The following MAPK8 variants were observed in gnomAD, a reference collection of about 807,000 sequenced individuals.
MAPK8 encodes mitogen-activated protein kinase 8, also known as JUN N-terminal kinase.
In MAPK8, 13 loss-of-function variants were observed where a neutral mutation model predicts 52.9. That is an observed-to-expected ratio of 0.25 (90% confidence interval 0.16 to 0.39). The LOEUF (loss-of-function observed/expected upper bound fraction) is 0.39, where lower values mean the gene tolerates loss of function less well. MAPK8 is among the 10% of genes least tolerant of loss of function. The probability of loss-of-function intolerance (pLI) is 1.00; values close to 1 mark genes in which losing one functional copy is unlikely to be tolerated. For missense variants in MAPK8, 300 were observed against 519.2 expected (o/e 0.58, Z 4.10); for synonymous variants, 191 against 169.8 (o/e 1.12, Z -0.97).
rs185879201 is a variant in MAPK8 at position 48,426,671 on chromosome 10, C to T, written c.996+167C>T. 2.4e-4 allele frequency: 157 copies of T among 649,538 alleles called. No homozygotes were observed. In the African/African-American group the frequency reaches 2.6e-3, roughly 11 times the overall value. 40.2% of individuals were successfully genotyped at this position (649,538 alleles called of 1,614,324 possible). On this transcript the variant is annotated intron_variant, in intron 9 of 11. Transcript: ENST00000374189. ...CGTCAAATAAACTAATGAACATATT[C>T]GAGCCCCTCCTACACAAAATAAAGT...
chr10:48,340,271 C>G (rs1845122707), intron 1 of MAPK8, among the ~76,000 whole-genome samples: 1 of 152,064 alleles, frequency 6.6e-6, no homozygotes, highest in South Asian at 2.1e-4. Context: ...CAGCTGGAGG[C>G]CATTATCAAG....
intron 1 of MAPK8, among the ~76,000 whole-genome samples, chr10:48,310,618 A>G (rs1012060512): frequency 6.6e-6 from 1 of 152,178 alleles, no homozygotes; most frequent in Non-Finnish European, 1.5e-5. Context: ...AGGCATCGCT[A>G]AACAGTTAAT....
chr10:48,329,052 T>A (rs1779157314), intron 1 of MAPK8, among the ~76,000 whole-genome samples: 1 of 152,192 alleles, frequency 6.6e-6, no homozygotes, highest in Non-Finnish European at 1.5e-5. Flanking sequence ...CTCATTTAAT[T>A]ATTTTAACCT....
At chr10:48,324,956 T>TTTTTTTTTTTTTTG (rs1554810527) in intron 1 of MAPK8, among the ~76,000 whole-genome samples, 2 of 151,050 alleles carry the variant, frequency 1.3e-5, no homozygotes, top group African/African-American at 4.9e-5. Context: ...GCAAATGGTG[T>TTTTTTTTTTTTTTG]TTTTTTGTTT....
chr10:48,375,348 C>T (rs547271372), intron 1 of MAPK8, among the ~76,000 whole-genome samples: 11 of 152,314 alleles, frequency 7.2e-5, no homozygotes, highest in African/African-American at 2.4e-4. Flanking sequence ...GATGCACTCT[C>T]TCACCACTCC....
intron 1 of MAPK8, among the ~76,000 whole-genome samples, chr10:48,351,691 CTG>C (rs1332526302): frequency 4.6e-5 from 7 of 152,020 alleles, no homozygotes; most frequent in African/African-American, 1.4e-4. Flanking sequence ...ATGGGTAAAA[CTG>C]TAGCAAAACT....
At chr10:48,397,858 T>A (rs1350951058) in intron 1 of MAPK8, among the ~76,000 whole-genome samples, 1 of 152,164 alleles carries the variant, frequency 6.6e-6, no homozygotes, top group Non-Finnish European at 1.5e-5. Flanking sequence ...CCCAAAGTGC[T>A]AGGATTACAG....
chr10:48,341,068 G>A (rs1354565073), intron 1 of MAPK8, among the ~76,000 whole-genome samples: 1 of 152,192 alleles, frequency 6.6e-6, no homozygotes, highest in African/African-American at 2.4e-5. Context: ...TACTGTAAGA[G>A]GGTAAATCTG....
Position 48,426,033 on chromosome 10 carries a change from C to G in MAPK8, c.834C>G (p.Val278=). ...GYSFEKLFPD[V]LFPADSEHNK... ...GCTTTGAGAAACTCTTCCCTGATGT[C>G]CTTTTCCCAGCTGACTCAGAACACA... Residue 278 remains valine, a synonymous_variant, in exon 8 of 12, where the codon GTC becomes GTG. Coordinates refer to ENST00000374189, the MANE Select transcript of MAPK8 (RefSeq NM_001323329.2). The G allele has an allele frequency of 6.2e-7, 1 of 1,611,826 alleles. No individual in the cohort carries two copies. Among genetic ancestry groups the G allele is most frequent in the South Asian group, 1.1e-5 (1 of 90,732 alleles).
chr10:48,418,723 G>A (rs892258834), intron 5 of MAPK8, among the ~76,000 whole-genome samples: 1 of 152,218 alleles, frequency 6.6e-6, no homozygotes, highest in Admixed American at 6.5e-5. Flanking sequence ...GTAATTAACA[G>A]CTGTAAGGTA....
rs767564521 is a variant in MAPK8, at chr10:48,420,332, C to T, written c.616+12C>T. Reference sequence around the variant, plus strand: ...CTACAAGGAAAACGGTCAGCACACACATTTATTTGAAATATTTTTCTGATT... The same window carrying T: ...CTACAAGGAAAACGGTCAGCACACATATTTATTTGAAATATTTTTCTGATT... On this transcript the variant is annotated intron_variant, in intron 6 of 11. Coordinates refer to ENST00000374189, the MANE Select transcript of MAPK8 (RefSeq NM_001323329.2). The T allele has an allele frequency of 5.2e-6, 8 of 1,551,036 alleles. No homozygotes were observed. The African/African-American group carries it at 8.3e-5, about 16-fold the overall frequency.
chr10:48,358,264 A>G (rs959112501), intron 1 of MAPK8, among the ~76,000 whole-genome samples: 5 of 152,130 alleles, frequency 3.3e-5, no homozygotes, highest in African/African-American at 9.7e-5. Flanking sequence ...CAGTTGTACC[A>G]TTTTATATTT....
chr10:48,411,636 C>G (rs1339146324), intron 5 of MAPK8, among the ~76,000 whole-genome samples: 1 of 152,134 alleles, frequency 6.6e-6, no homozygotes, highest in Non-Finnish European at 1.5e-5. Context: ...GAGTATCATT[C>G]TATTTCTGCA....
intron 1 of MAPK8, among the ~76,000 whole-genome samples, chr10:48,385,350 C>CA (rs984069604): frequency 1.3e-5 from 2 of 152,018 alleles, no homozygotes; most frequent in African/African-American, 4.8e-5. Flanking sequence ...ACCCAAACCA[C>CA]AAAAAAACAA....
intron 5 of MAPK8, among the ~76,000 whole-genome samples, chr10:48,416,247 C>T (rs144543065): frequency 2.2e-4 from 33 of 152,266 alleles, no homozygotes; most frequent in African/African-American, 7.5e-4. Flanking sequence ...TAGATAGTTG[C>T]GGGTCACTTT....
intron 5 of MAPK8, among the ~76,000 whole-genome samples, chr10:48,415,497 A>C (rs576484309): frequency 6.6e-6 from 1 of 152,324 alleles, no homozygotes; most frequent in African/African-American, 2.4e-5. Flanking sequence ...TAGTTCCTTA[A>C]TTTAAAAAGG....
At chr10:48,338,822 G>GACAC (rs60922989) in intron 1 of MAPK8, among the ~76,000 whole-genome samples, 3 of 151,454 alleles carry the variant, frequency 2.0e-5, no homozygotes, top group African/African-American at 7.3e-5. Context: ...ATTTACAATA[G>GACAC]ACACACACAA....
chr10:48,409,047 T>C (rs2042610796), intron 3 of MAPK8, among the ~76,000 whole-genome samples: 1 of 152,192 alleles, frequency 6.6e-6, no homozygotes, highest in South Asian at 2.1e-4. Flanking sequence ...TTCCAAATAC[T>C]ATCACATTGG....
chr10:48,436,201 A>G lies in MAPK8; in HGVS notation c.*1172A>G, dbSNP rs968529823. The G allele has an allele frequency of 1.3e-5, 2 of 152,252 alleles. No homozygotes were observed. Among genetic ancestry groups the G allele is most frequent in the African/African-American group, 4.8e-5 (2 of 41,470 alleles). The allele number at this position is 152,252 out of a possible 1,614,324, so 9.4% of individuals were successfully genotyped here. ...GCCATATATAGGATATCATTTTCTA[A>G]GGACTGTTTCTTCACATTGAGCAGA... On this transcript the variant is annotated 3_prime_UTR_variant, in exon 12 of 12. Transcript: ENST00000374189.
Sources: gnomAD v4.1 joint callset for allele counts (sites outside exome capture counted in the v4.1 genomes callset) on GRCh38, gnomAD v4.1.1 for gene constraint, MANE v1.5 for transcripts, NCBI Gene and HGNC (gene_info 2026-07-23, HGNC 2026-07-21) for gene names.